The following SLC25A28 variants were observed in gnomAD, a reference collection of about 807,000 sequenced individuals.
SLC25A28 encodes mitoferrin-2.
Under a neutral mutation model 31.9 loss-of-function variants are expected in SLC25A28, and 10 were observed. That is an observed-to-expected ratio of 0.31 (90% CI 0.19 to 0.53). The LOEUF (loss-of-function observed/expected upper bound fraction) is 0.53, where lower values mean the gene tolerates loss of function less well. Ranked by LOEUF, SLC25A28 falls within the 20% of genes least tolerant of loss-of-function variation. SLC25A28 has a pLI of 0.95. For missense variants in SLC25A28, 256 were observed against 490.3 expected (o/e 0.52, Z 4.51); for synonymous variants, 208 against 203.6 (o/e 1.02, Z -0.19).
Position 99,610,774 on chromosome 10 carries a change from A to G in SLC25A28, c.*75T>C. 1 of 1,531,710 alleles carries G rather than the reference A, an allele frequency of 6.5e-7. No homozygotes were observed. Among genetic ancestry groups the G allele is most frequent in the South Asian group, 1.3e-5 (1 of 79,916 alleles). 94.9% of individuals were successfully genotyped at this position (1,531,710 alleles called of 1,614,324 possible). On this transcript the variant is annotated 3_prime_UTR_variant, in exon 4 of 4. Transcript: ENST00000370495. ...TCCTTCTAACTCCACTTGAGGTGGG[A>G]GCATTCCAGGAGACAGAGAATGTGA...
chr10:99,647,009 T>C, the SLC25A28 span, among the ~76,000 whole-genome samples: 37 of 152,228 alleles, frequency 2.4e-4, no homozygotes, highest in Non-Finnish European at 4.7e-4. Context: ...TATTCTTTCT[T>C]ATGGCTGAGT....
the SLC25A28 span, among the ~76,000 whole-genome samples, chr10:99,631,878 A>ATTTTTTTTTTTTTT: frequency 1.1e-5 from 1 of 92,904 alleles, no homozygotes. Context: ...TCAGTATGTT[A>ATTTTTTTTTTTTTT]TTTTTTTTTT....
upstream of SLC25A28, chr10:99,622,575 A>G (rs1203160474): frequency 1.2e-6 from 1 of 860,242 alleles, no homozygotes; most frequent in Non-Finnish European, 1.4e-6. Context: ...TTCCAAATCC[A>G]TCGGTCTTTT....
Position 99,613,394 on chromosome 10 carries a change from G to A in SLC25A28, c.520+302C>T. ...AACTGTCAAACATAGACTGGGGGTA[G>A]TTCAGTGTGTCTCCACATTACCAGG... On this transcript the variant is annotated intron_variant, in intron 2 of 3. Coordinates refer to ENST00000370495, the MANE Select transcript of SLC25A28 (RefSeq NM_031212.4). This position sits in a 1 kb window ranked among gnomAD's most constrained non-coding sequence, Gnocchi z 4.9. The A allele has an allele frequency of 1.6e-6, 2 of 1,272,606 alleles. No individual in the cohort carries two copies. The highest frequency in any genetic ancestry group is 3.2e-5 in the South Asian group (2 of 62,934). The allele number at this position is 1,272,606 out of a possible 1,614,324, so 78.8% of individuals were successfully genotyped here. A position where few individuals can be genotyped will look rare whatever the true frequency, so the allele number is the denominator to read the frequency against.
At chr10:99,624,283 C>T (rs529803877), upstream of SLC25A28, among the ~76,000 whole-genome samples, 1 of 148,772 alleles carries the variant, frequency 6.7e-6, no homozygotes, top group African/African-American at 2.5e-5. Flanking sequence ...TTTGTAGAGA[C>T]AGGGTCTTGC....
At chr10:99,640,877 C>A in the SLC25A28 span, among the ~76,000 whole-genome samples, 1 of 152,118 alleles carries the variant, frequency 6.6e-6, no homozygotes, top group Non-Finnish European at 1.5e-5. Flanking sequence ...CATCCATGTC[C>A]CTACAAAGGA....
the SLC25A28 span, among the ~76,000 whole-genome samples, chr10:99,629,817 G>C: frequency 1.3e-5 from 2 of 152,192 alleles, no homozygotes; most frequent in Admixed American, 1.3e-4. Flanking sequence ...GTCAGAACTA[G>C]GTAGATGTAG....
At chr10:99,625,787 C>G in the SLC25A28 span, among the ~76,000 whole-genome samples, 7 of 152,220 alleles carry the variant, frequency 4.6e-5, no homozygotes, top group Non-Finnish European at 7.3e-5. Context: ...TCCTCTTGCT[C>G]ATTTTCTCCC....
the SLC25A28 span, among the ~76,000 whole-genome samples, chr10:99,646,227 C>T: frequency 6.6e-6 from 1 of 152,198 alleles, no homozygotes; most frequent in East Asian, 1.9e-4. Context: ...GCTTCCCAGC[C>T]ACTTTGTTTA....
At chr10:99,620,869 C>T, upstream of SLC25A28, 9 of 985,478 alleles carry the variant, frequency 9.1e-6, no homozygotes, top group Non-Finnish European at 1.1e-5. Flanking sequence ...AGCTGCGGTC[C>T]CTGTGCGCGG....
In SLC25A28 at chr10:99,613,654, G is replaced by A; in HGVS notation, c.520+42C>T. 1 of 1,613,874 alleles carries A rather than the reference G, an allele frequency of 6.2e-7. No homozygotes were observed. Among genetic ancestry groups the A allele is most frequent in the African/African-American group, 1.3e-5 (1 of 75,068 alleles). ...AGCACTGACAGCAGCAAAGCCCAAA[G>A]AGTTGGGAAAGTGGGGGAACCAGCA... On this transcript the variant is annotated intron_variant, in intron 2 of 3. Transcript: ENST00000370495. This position sits in a 1 kb window ranked among gnomAD's most constrained non-coding sequence, Gnocchi z 4.9.
chr10:99,648,463 G>A, the SLC25A28 span, among the ~76,000 whole-genome samples: 2 of 151,146 alleles, frequency 1.3e-5, no homozygotes, highest in South Asian at 4.1e-4. Context: ...ATGAATTTTA[G>A]GATTTTTTTA....
In SLC25A28 at chr10:99,620,037, G is replaced by A. The variant is rs1240495315; in HGVS notation, c.291+8C>T. 7 of 1,574,130 alleles carry A rather than the reference G, an allele frequency of 4.4e-6. No individual in the cohort carries two copies. Among genetic ancestry groups the A allele is most frequent in the Non-Finnish European group, 6.0e-6 (7 of 1,167,188 alleles). ...CAGGTCGGGTTCGAAGCCGGGTGCA[G>A]GTCTCACCTTGACGCAGTCGATGGG... is the stretch of plus-strand genomic sequence containing the variant. On this transcript the variant is annotated splice_region_variant and intron_variant, in intron 1 of 3. Transcript: ENST00000370495.
the SLC25A28 span, among the ~76,000 whole-genome samples, chr10:99,658,228 G>A: frequency 1.0e-3 from 154 of 152,256 alleles, 2 homozygotes; most frequent in African/African-American, 3.6e-3. Flanking sequence ...TGTCCTGACA[G>A]GCTTTGAGTC....
the SLC25A28 span, among the ~76,000 whole-genome samples, chr10:99,638,979 C>T: frequency 1.2e-4 from 19 of 152,014 alleles, no homozygotes; most frequent in Admixed American, 1.2e-3. Context: ...GAAAAAGATA[C>T]TTGCACACAC....
chr10:99,647,281 C>T, the SLC25A28 span, among the ~76,000 whole-genome samples: 1 of 152,206 alleles, frequency 6.6e-6, no homozygotes, highest in African/African-American at 2.4e-5. Context: ...TGCCTACCAA[C>T]AAAGTATAAT....
At chr10:99,616,000 C>T in intron 1 of SLC25A28, 2 of 985,432 alleles carry the variant, frequency 2.0e-6, no homozygotes, top group Non-Finnish European at 2.4e-6. Context: ...ACAATTCTAA[C>T]TCGATAAAAG....
chr10:99,644,465 C>T, the SLC25A28 span, among the ~76,000 whole-genome samples: 194 of 152,134 alleles, frequency 1.3e-3, 3 homozygotes, highest in East Asian at 0.029. Context: ...TGTCTCTGCC[C>T]GTGAGATGGG....
intron 1 of SLC25A28, chr10:99,617,809 A>G: frequency 3.0e-6 from 3 of 984,236 alleles, no homozygotes; most frequent in Non-Finnish European, 3.6e-6. Context: ...CATAACTGCT[A>G]TGTTGTATGA....
Sources: allele counts gnomAD v4.1 joint callset (sites outside exome capture counted in the v4.1 genomes callset), GRCh38; gene constraint gnomAD v4.1.1; non-coding constraint Gnocchi (gnomAD v3.1); transcripts MANE v1.5; gene names NCBI Gene and HGNC (gene_info 2026-07-23, HGNC 2026-07-21).